Variants in UBR1 observed in about 807,000 individuals in gnomAD.
UBR1 encodes the protein E3 ubiquitin-protein ligase UBR1.
UBR1 carries 102 observed loss-of-function variants against 242.1 expected under a neutral mutation model. The ratio of observed to expected loss-of-function variants is 0.42; its 90% CI spans 0.36 to 0.50. UBR1 has a LOEUF of 0.50. Among genes scored for constraint, UBR1 ranks in the 20% least tolerant of loss-of-function variants. UBR1 has a pLI of 0.01. For synonymous variants in UBR1, 675 were observed against 684.8 expected (o/e 0.99, Z 0.22); for missense variants, 1,772 against 2,101.8 (o/e 0.84, Z 3.07).
rs1303193150 is a variant in UBR1 at position 43,026,654 on chromosome 15, A to T, written c.2442T>A (p.Gly814=). Residue 814 remains glycine (G), a synonymous_variant, in exon 23 of 47, where the codon GGT becomes GGA. Transcript: ENST00000290650. ...INKVATFKKP[G]VSGHGVYELK... is the part of the protein sequence containing the mutation. ...GTTCATAAACTCCATGGCCTGATAC[A>T]CCTGGTTTCCTAAATAGATGGAAAA... The T allele has an allele frequency of 6.2e-7, 1 of 1,612,314 alleles. No homozygotes were observed. The highest frequency in any genetic ancestry group is 1.1e-5 in the South Asian group (1 of 91,026).
At chr15:43,065,682 T>C (rs2033743809) in intron 6 of UBR1, among the ~76,000 whole-genome samples, 1 of 152,186 alleles carries the variant, frequency 6.6e-6, no homozygotes, top group Non-Finnish European at 1.5e-5. Context: ...GCAAAGGACA[T>C]AATCTTGTTC....
At chr15:43,015,947 C>A in intron 28 of UBR1, 78 bp from the exon 29 acceptor site, 2 of 1,373,952 alleles carry the variant, frequency 1.5e-6, no homozygotes, top group Non-Finnish European at 2.0e-6. Context: ...GGCAAAATTC[C>A]TTAGAATAAG....
chr15:43,074,855 A>G, intron 4 of UBR1, 124 bp downstream of exon 4: 1 of 797,582 alleles, frequency 1.3e-6, no homozygotes, highest in South Asian at 1.5e-5. Context: ...AAGCCTCCTT[A>G]CACCTAAATA....
chr15:43,014,961 C>T (rs1297742774), intron 29 of UBR1, among the ~76,000 whole-genome samples: 2 of 149,044 alleles, frequency 1.3e-5, no homozygotes, highest in East Asian at 2.0e-4. Flanking sequence ...GCTGCCCTGT[C>T]AGGGAGGGAG....
chr15:43,073,528 T>C (rs1263172562), intron 4 of UBR1, among the ~76,000 whole-genome samples: 1 of 152,208 alleles, frequency 6.6e-6, no homozygotes, highest in Non-Finnish European at 1.5e-5. Flanking sequence ...ACAATTCTTA[T>C]TGAAAAGGCA....
chr15:43,004,806 C>T (rs1337720787), intron 30 of UBR1, among the ~76,000 whole-genome samples: 1 of 152,184 alleles, frequency 6.6e-6, no homozygotes, highest in Non-Finnish European at 1.5e-5. Context: ...GCCACCCCGT[C>T]TGGGAAGTGA....
intron 14 of UBR1, among the ~76,000 whole-genome samples, chr15:43,045,504 A>G (rs2033473644): frequency 6.6e-6 from 1 of 152,128 alleles, no homozygotes; most frequent in African/African-American, 2.4e-5. Flanking sequence ...ACAGACACAC[A>G]CGTGTAAGAT....
chr15:43,035,102 T>A (rs1335359524), intron 19 of UBR1, among the ~76,000 whole-genome samples: 1 of 152,158 alleles, frequency 6.6e-6, no homozygotes, highest in Non-Finnish European at 1.5e-5. Flanking sequence ...TTAAAAATGA[T>A]GATATAATTG....
intron 2 of UBR1, among the ~76,000 whole-genome samples, chr15:43,084,645 G>A (rs542845360): frequency 2.6e-5 from 4 of 152,220 alleles, no homozygotes; most frequent in South Asian, 2.1e-4. Context: ...TAGCAGAGAC[G>A]GGGTTTCCCA....
chr15:43,088,279 A>G (rs1488978167), intron 1 of UBR1, among the ~76,000 whole-genome samples: 1 of 152,200 alleles, frequency 6.6e-6, no homozygotes, highest in Non-Finnish European at 1.5e-5. Context: ...CATCCACCAG[A>G]TGTGCACTAT....
At chr15:42,967,245 T>A (rs1487488577) in intron 40 of UBR1, among the ~76,000 whole-genome samples, 4 of 84,904 alleles carry the variant, frequency 4.7e-5, no homozygotes, top group African/African-American at 1.4e-4. Flanking sequence ...TTTTTTTAAA[T>A]AGAGACAAGG....
intron 44 of UBR1, among the ~76,000 whole-genome samples, chr15:42,955,166 A>AAAAAC (rs572477498): frequency 2.6e-5 from 4 of 152,146 alleles, no homozygotes; most frequent in Admixed American, 6.5e-5. Context: ...ACTCTGTCTC[A>AAAAAC]AAAACAAAAC....
In UBR1 at chr15:43,022,733, T is replaced by C. The variant is rs1478516063; in HGVS notation, c.2808A>G (p.Glu936=). 6.2e-7 allele frequency: 1 copy of C among 1,612,382 alleles called. No individual in the cohort carries two copies. Among genetic ancestry groups the C allele is most frequent in the Non-Finnish European group, 8.5e-7 (1 of 1,178,978 alleles). Reference sequence around the variant, plus strand: ...CCTTATGATAAAAGTCAAATGTTACTTCTTCTTCAGGAGCTTTTTGAAGCT... The same window carrying C: ...CCTTATGATAAAAGTCAAATGTTACCTCTTCTTCAGGAGCTTTTTGAAGCT... ...KQQLQKAPEE[E]VTFDFYHKAS... is the part of the protein sequence containing the mutation. Residue 936 remains glutamate, a synonymous_variant, in exon 26 of 47, where the codon GAA becomes GAG. Transcript: ENST00000290650.
Position 43,026,538 on chromosome 15 carries a change from C to CTTTT in UBR1, c.2535+22_2535+23insAAAA, listed in dbSNP as rs940565133. 6 of 1,599,230 alleles carry CTTTT rather than the reference C, an allele frequency of 3.8e-6. No homozygotes were observed. The African/African-American group carries it at 6.7e-5, about 18-fold the overall frequency. ...AGCATAAAGCATTTAGGTTTATTTA[C>CTTTT]TGAAAAGGATACTTTTTTCTACCTT... On this transcript the variant is annotated intron_variant, in intron 23 of 46. Transcript: ENST00000290650.
At chr15:42,964,483 A>C (rs1211803258) in intron 41 of UBR1, among the ~76,000 whole-genome samples, 1 of 151,972 alleles carries the variant, frequency 6.6e-6, no homozygotes, top group Non-Finnish European at 1.5e-5. Context: ...AAAAAACAAA[A>C]AACAAACAAA....
chr15:43,075,290 A>T (rs1226800874), intron 3 of UBR1, among the ~76,000 whole-genome samples: 1 of 152,248 alleles, frequency 6.6e-6, no homozygotes, highest in Non-Finnish European at 1.5e-5. Context: ...CCAAATTCTG[A>T]ATACTTCATC....
intron 1 of UBR1, 131 bp from the exon 2 acceptor site, chr15:43,086,371 A>C (rs972821908): frequency 2.7e-6 from 3 of 1,117,332 alleles, no homozygotes; most frequent in Admixed American, 5.7e-5. Flanking sequence ...CCAATACAGA[A>C]GGAAAGTGGG....
intron 29 of UBR1, 62 bp from the exon 30 acceptor site, chr15:43,007,346 G>A: frequency 6.6e-7 from 1 of 1,508,792 alleles, no homozygotes; most frequent in South Asian, 1.2e-5. Context: ...TCATATTTTG[G>A]TAGATTTTAA....
intron 1 of UBR1, among the ~76,000 whole-genome samples, chr15:43,087,201 C>T (rs528839101): frequency 1.3e-5 from 2 of 151,954 alleles, no homozygotes; most frequent in Non-Finnish European, 2.9e-5. Flanking sequence ...GTCAGGAGAT[C>T]GAGACCACCC....
Sources: allele counts gnomAD v4.1 joint callset (sites outside exome capture counted in the v4.1 genomes callset), GRCh38; gene constraint gnomAD v4.1.1; transcripts MANE v1.5; gene names NCBI Gene and HGNC (gene_info 2026-07-23, HGNC 2026-07-21).